STOX2: variants seen among roughly 807,000 people sequenced by gnomAD.
The protein encoded by STOX2 is storkhead-box protein 2.
A neutral mutation model predicts 60.9 loss-of-function variants in STOX2; 28 were observed. That is an observed-to-expected ratio of 0.46 (90% confidence interval 0.34 to 0.63). The LOEUF is 0.63. Among genes scored for constraint, STOX2 ranks in the 30% least tolerant of loss-of-function variants. The pLI is 0.01. For missense variants in STOX2, 1,024 were observed against 1,187.7 expected (o/e 0.86, Z 2.03); for synonymous variants, 472 against 463.9 (o/e 1.02, Z -0.22).
chr4:183,999,240 C>T (rs566802102), intron 1 of STOX2, among the ~76,000 whole-genome samples: 4 of 152,248 alleles, frequency 2.6e-5, no homozygotes, highest in African/African-American at 9.6e-5. Flanking sequence ...GTTACCAATA[C>T]GAACTGAGCT....
chr4:183,947,840 G>A (rs1473450161), intron 1 of STOX2, among the ~76,000 whole-genome samples: 2 of 152,154 alleles, frequency 1.3e-5, no homozygotes, highest in African/African-American at 2.4e-5. Flanking sequence ...GTTAGCATGT[G>A]TTAGAACCAG....
At chr4:183,938,401 G>C (rs1023453607) in intron 1 of STOX2, among the ~76,000 whole-genome samples, 3 of 152,128 alleles carry the variant, frequency 2.0e-5, no homozygotes, top group Non-Finnish European at 2.9e-5. Context: ...GAGCACGGTG[G>C]CTCACGCTTG....
At chr4:183,930,841 T>G (rs1010645825) in intron 1 of STOX2, among the ~76,000 whole-genome samples, 15 of 152,242 alleles carry the variant, frequency 9.9e-5, no homozygotes, top group African/African-American at 3.6e-4. Flanking sequence ...TCTACAAATT[T>G]TCTTTTTTTC....
intron 1 of STOX2, among the ~76,000 whole-genome samples, chr4:183,871,662 T>C (rs534445267): frequency 6.6e-6 from 1 of 151,814 alleles, no homozygotes; most frequent in Admixed American, 6.5e-5. Context: ...GAAGTTTATT[T>C]TATTATTATT....
chr4:183,890,748 G>C (rs943957675), intron 1 of STOX2, among the ~76,000 whole-genome samples: 1 of 152,272 alleles, frequency 6.6e-6, no homozygotes, highest in African/African-American at 2.4e-5. Context: ...AAGAATGCTC[G>C]GAAGGGTAAT....
intron 1 of STOX2, among the ~76,000 whole-genome samples, chr4:183,883,382 C>T (rs984803892): frequency 1.3e-5 from 2 of 150,738 alleles, no homozygotes; most frequent in East Asian, 2.0e-4. Context: ...TGCAGTGGCG[C>T]GATCTCGGCT....
chr4:183,881,847 A>G (rs541761066), intron 1 of STOX2, among the ~76,000 whole-genome samples: 1 of 152,358 alleles, frequency 6.6e-6, no homozygotes, highest in East Asian at 1.9e-4. Context: ...GCTGACGGAT[A>G]GTGAACAGAA....
intron 1 of STOX2, among the ~76,000 whole-genome samples, chr4:183,890,499 A>AAAAG (rs141289727): frequency 2.4e-5 from 3 of 124,960 alleles, no homozygotes; most frequent in Non-Finnish European, 3.2e-5. Flanking sequence ...AAAAAAAAAA[A>AAAAG]CAGCAACAGA....
chr4:183,839,638 T>C (rs1372652847), intron 1 of STOX2, among the ~76,000 whole-genome samples: 1 of 152,200 alleles, frequency 6.6e-6, no homozygotes, highest in Non-Finnish European at 1.5e-5. Flanking sequence ...GGCAAAGTAA[T>C]AGAGTGAGTG....
intron 1 of STOX2, among the ~76,000 whole-genome samples, chr4:183,941,608 G>T (rs961344116): frequency 1.2e-4 from 18 of 152,128 alleles, no homozygotes; most frequent in Non-Finnish European, 1.5e-5. Context: ...CATGCATGGG[G>T]TGGGGGTTGT....
At chr4:183,940,523 T>A (rs1322396442) in intron 1 of STOX2, among the ~76,000 whole-genome samples, 2 of 152,216 alleles carry the variant, frequency 1.3e-5, no homozygotes. Flanking sequence ...CCACACTGAT[T>A]TTTGCACAAT....
intron 1 of STOX2, among the ~76,000 whole-genome samples, chr4:183,881,974 C>T (rs373947510): frequency 6.6e-6 from 1 of 152,170 alleles, no homozygotes; most frequent in Non-Finnish European, 1.5e-5. Context: ...TGACCTAGAA[C>T]TGAATTAATT....
intron 1 of STOX2, among the ~76,000 whole-genome samples, chr4:183,817,488 A>G (rs1325188489): frequency 1.3e-5 from 2 of 152,200 alleles, no homozygotes; most frequent in African/African-American, 2.4e-5. Flanking sequence ...TACTTAAGAA[A>G]AGTCCTCAGG....
chr4:183,836,532 G>A lies in STOX2; in HGVS notation c.364+38477G>A, dbSNP rs2111126220. 6.6e-6 allele frequency among the ~76,000 whole-genome samples: 1 copy of A among 152,314 alleles called. No individual in the cohort carries two copies. The highest frequency in any genetic ancestry group is 2.1e-4 in the South Asian group (1 of 4,822). On this transcript the variant is annotated intron_variant, in intron 1 of 2. Transcript: ENST00000513034. The surrounding 1 kb of genome is among the most constrained non-coding windows in gnomAD (Gnocchi z 4.1). ...TACTTTCTATGAATGTGAACAATGT[G>A]AGGGGACTCAGGGGCTTTTTGATGC...
chr4:183,937,740 T>C (rs977931223), intron 1 of STOX2, among the ~76,000 whole-genome samples: 1 of 152,184 alleles, frequency 6.6e-6, no homozygotes, highest in Non-Finnish European at 1.5e-5. Context: ...ATGGAAACCA[T>C]TGATTTCATC....
chr4:184,014,088 C>A (rs1315629683), intron 3 of STOX2: 1 of 146,204 alleles, frequency 6.8e-6, no homozygotes, highest in African/African-American at 2.5e-5. Flanking sequence ...GTAAATAATT[C>A]ACCGAGCAGC....
At chr4:183,959,791 A>G (rs1010958018) in intron 1 of STOX2, among the ~76,000 whole-genome samples, 5 of 152,212 alleles carry the variant, frequency 3.3e-5, no homozygotes, top group South Asian at 2.1e-4. Flanking sequence ...GAACATCTTC[A>G]GTGATGTTCA....
intron 1 of STOX2, among the ~76,000 whole-genome samples, chr4:183,877,878 C>CG (rs544635201): frequency 6.6e-6 from 1 of 151,980 alleles, no homozygotes; most frequent in Admixed American, 6.6e-5. Flanking sequence ...TTAGTAGAGA[C>CG]GGGGTCTCAC....
chr4:183,823,604 T>A (rs962582022), intron 1 of STOX2, among the ~76,000 whole-genome samples: 7 of 152,220 alleles, frequency 4.6e-5, no homozygotes, highest in Non-Finnish European at 1.0e-4. Context: ...GTAGTAGCTC[T>A]GGTGAGTCAC....
Sources: gnomAD v4.1 joint callset for allele counts (sites outside exome capture counted in the v4.1 genomes callset) on GRCh38, gnomAD v4.1.1 for gene constraint, Gnocchi (gnomAD v3.1) non-coding constraint, MANE v1.5 for transcripts, NCBI Gene and HGNC (gene_info 2026-07-23, HGNC 2026-07-21) for gene names.